Variants in IK observed in about 807,000 individuals in gnomAD.
IK encodes the protein protein Red.
A neutral mutation model predicts 90.9 loss-of-function variants in IK; 47 were observed. The observed-to-expected ratio is 0.52, with a 90% CI of 0.41 to 0.66. The LOEUF is 0.66. IK is among the 30% of genes least tolerant of loss of function. IK has a pLI of 0.00. For missense variants in IK, 385 were observed against 709.3 expected (o/e 0.54, Z 5.19); for synonymous variants, 201 against 227.5 (o/e 0.88, Z 1.05).
At chr5:140,651,905 T>C in intron 3 of IK, 99 bp downstream of exon 3, 1 of 855,842 alleles carries the variant, frequency 1.2e-6, no homozygotes, top group Non-Finnish European at 1.9e-6. Flanking sequence ...CCCTCAGGTA[T>C]TTATGATACT....
intron 5 of IK, 86 bp from the exon 6 acceptor site, chr5:140,653,852 C>T: frequency 3.8e-6 from 3 of 786,138 alleles, no homozygotes; most frequent in East Asian, 2.7e-5. Context: ...ATCTGTCCGC[C>T]TTGACCTCCC....
intron 10 of IK, 122 bp from the exon 11 acceptor site, chr5:140,658,615 C>A: frequency 1.2e-6 from 1 of 839,394 alleles, no homozygotes; most frequent in Non-Finnish European, 2.0e-6. Context: ...CCACCGCACC[C>A]AGCCTTGACC....
intron 13 of IK, among the ~76,000 whole-genome samples, 161 bp from the exon 14 acceptor site, chr5:140,659,595 C>G (rs891020156): frequency 2.0e-5 from 3 of 152,192 alleles, no homozygotes; most frequent in African/African-American, 7.2e-5. Flanking sequence ...TCTGGATACC[C>G]TACCCTCATC....
chr5:140,662,252 A>G (rs1310084255), intron 19 of IK, 39 bp downstream of exon 19: 2 of 1,613,974 alleles, frequency 1.2e-6, no homozygotes, highest in Non-Finnish European at 1.7e-6. Context: ...ACTGGTGGGA[A>G]TTGCTTAGTG....
chr5:140,648,740 A>ATT, intron 2 of IK: 3 of 508,642 alleles, frequency 5.9e-6, no homozygotes, highest in East Asian at 3.1e-5. Context: ...AAAGGTGTTA[A>ATT]GTTTTTTTTT....
At position 140,655,899 on chromosome 5, in the gene IK, C is replaced by T; in HGVS notation, c.708C>T (p.Arg236=). The T allele has an allele frequency of 6.3e-7, 1 of 1,598,900 alleles. No homozygotes were observed. The highest frequency in any genetic ancestry group is 8.5e-7 in the Non-Finnish European group (1 of 1,171,940). Residue 236 remains arginine, a synonymous_variant, in exon 9 of 20, where the codon CGC becomes CGT. Coordinates refer to ENST00000417647, the MANE Select transcript of IK (RefSeq NM_006083.4). ...YERNELFLPG[R]MAYVVDLDDE... is the part of the protein sequence containing the mutation. Reference sequence around the variant, plus strand: ...GGAATGAGTTGTTCCTGCCGGGCCGCATGGCCTATGTGGTAGACCTGGATG... The same window carrying T: ...GGAATGAGTTGTTCCTGCCGGGCCGTATGGCCTATGTGGTAGACCTGGATG...
intron 2 of IK, among the ~76,000 whole-genome samples, chr5:140,649,249 C>T (rs1327383057): frequency 6.8e-6 from 1 of 146,574 alleles, no homozygotes; most frequent in Non-Finnish European, 1.5e-5. Context: ...CTCACTGTTA[C>T]CCAGGCTGGA....
intron 3 of IK, 45 bp from the exon 4 acceptor site, chr5:140,652,043 G>A (rs747409617): frequency 2.7e-6 from 4 of 1,475,006 alleles, no homozygotes; most frequent in Non-Finnish European, 3.8e-6. Context: ...GGTTTCTGGG[G>A]CTGTGGCAAT....
In IK at chr5:140,655,822, AT is replaced by A. The variant is rs1410349499; in HGVS notation, c.638-5del. 1.3e-5 allele frequency: 21 copies of A among 1,609,278 alleles called. No homozygotes were observed. The highest frequency in any genetic ancestry group is 1.7e-5 in the Non-Finnish European group (20 of 1,177,836). On this transcript the variant is annotated splice_region_variant and splice_polypyrimidine_tract_variant and intron_variant, in intron 8 of 19. Coordinates refer to ENST00000417647, the MANE Select transcript of IK (RefSeq NM_006083.4). ...CTGGCTACTTGCTGCTCTTCTCCTT[AT>A]TGTAGGCCGCAATGTTTACCGAATG...
chr5:140,659,744 CTT>C lies in IK; in HGVS notation c.1196-9_1196-8del. The C allele has an allele frequency of 2.5e-6, 4 of 1,573,484 alleles. No individual in the cohort carries two copies. Among genetic ancestry groups the C allele is most frequent in the Non-Finnish European group, 3.5e-6 (4 of 1,155,144 alleles). ...CAGTTCAAGGTCTGGGCTGAGTTCT[CTT>C]TTCTCCTAGGACCTGGGTCTACCAA... On this transcript the variant is annotated splice_polypyrimidine_tract_variant and intron_variant, in intron 13 of 19. Transcript: ENST00000417647.
intron 9 of IK, among the ~76,000 whole-genome samples, chr5:140,657,069 G>A (rs766047808): frequency 1.3e-5 from 2 of 152,140 alleles, no homozygotes; most frequent in African/African-American, 2.4e-5. Context: ...CAGGCGTGGC[G>A]GCATGTGCCC....
chr5:140,654,620 G>C, intron 7 of IK, 34 bp downstream of exon 7: 2 of 1,584,126 alleles, frequency 1.3e-6, no homozygotes, highest in Non-Finnish European at 8.6e-7. Flanking sequence ...TGAGAATTTA[G>C]AAAGGTGGGA....
At chr5:140,660,905 AT>A (rs1757794060) in intron 16 of IK, 90 bp downstream of exon 16, 1 of 991,754 alleles carries the variant, frequency 1.0e-6, no homozygotes, top group Non-Finnish European at 1.6e-6. Flanking sequence ...AATCTATCTC[AT>A]TTACTGGGCC....
chr5:140,649,643 C>T (rs1757580953), intron 2 of IK, among the ~76,000 whole-genome samples: 1 of 152,206 alleles, frequency 6.6e-6, no homozygotes. Flanking sequence ...TCAAGCAATT[C>T]TTCTGCCTCA....
rs1757700734 is a variant in IK, at chr5:140,655,888, C to T, written c.697C>T (p.Leu233=). 1.2e-6 allele frequency: 2 copies of T among 1,603,964 alleles called. No individual in the cohort carries two copies. The highest frequency in any genetic ancestry group is 1.7e-6 in the Non-Finnish European group (2 of 1,174,852). ...SKAYERNELF[L]PGRMAYVVDL... ...AGCATATGAGCGGAATGAGTTGTTC[C>T]TGCCGGGCCGCATGGCCTATGTGGT... Residue 233 remains leucine, a synonymous_variant, in exon 9 of 20, where the codon CTG becomes TTG. Coordinates refer to ENST00000417647, the MANE Select transcript of IK (RefSeq NM_006083.4).
intron 16 of IK, 42 bp downstream of exon 16, chr5:140,660,857 T>TA (rs1350372387): frequency 6.7e-7 from 1 of 1,500,454 alleles, no homozygotes; most frequent in Non-Finnish European, 9.3e-7. Flanking sequence ...GGGCAGTTAT[T>TA]ATTTGTTTTA....
rs750834831 is a variant in IK, at chr5:140,654,777, G to A, written c.637+50G>A. 1.0e-5 allele frequency: 12 copies of A among 1,175,178 alleles called. 1 individual carries two copies. Among genetic ancestry groups the A allele is most frequent in the East Asian group, 2.3e-5 (1 of 42,610 alleles). 72.8% of individuals were successfully genotyped at this position (1,175,178 alleles called of 1,614,324 possible). A position where few individuals can be genotyped will look rare whatever the true frequency, so the allele number is the denominator to read the frequency against. On this transcript the variant is annotated intron_variant, in intron 8 of 19. Transcript: ENST00000417647. ...ACTATGCATTCTGGATGAATTGTAC[G>A]GAATTTAATGCTCTGGGAAGGATAT...
At chr5:140,649,942 A>G (rs573499188) in intron 2 of IK, among the ~76,000 whole-genome samples, 1 of 152,314 alleles carries the variant, frequency 6.6e-6, no homozygotes, top group East Asian at 1.9e-4. Context: ...TGCTGTATAT[A>G]TCATTTTTGC....
chr5:140,650,479 G>T (rs1187549356), intron 2 of IK, among the ~76,000 whole-genome samples: 2 of 152,144 alleles, frequency 1.3e-5, no homozygotes, highest in East Asian at 1.9e-4. Flanking sequence ...ATAATCTCTT[G>T]TACCATTAGT....
Sources: gnomAD v4.1 joint callset for allele counts (sites outside exome capture counted in the v4.1 genomes callset) on GRCh38, gnomAD v4.1.1 for gene constraint, MANE v1.5 for transcripts, NCBI Gene and HGNC (gene_info 2026-07-23, HGNC 2026-07-21) for gene names.